Variants in NUP160 observed in about 807,000 individuals in gnomAD.
The protein encoded by NUP160 is nucleoporin 160.
A neutral mutation model predicts 196.9 loss-of-function variants in NUP160; 94 were observed. That is an observed-to-expected ratio of 0.48 (90% CI 0.40 to 0.57). The LOEUF (loss-of-function observed/expected upper bound fraction) is 0.57, where lower values mean the gene tolerates loss of function less well. Among genes scored for constraint, NUP160 ranks in the 20% least tolerant of loss-of-function variants. The pLI is 0.00. For missense variants in NUP160, 1,638 were observed against 1,748.3 expected (o/e 0.94, Z 1.13); for synonymous variants, 605 against 619.7 (o/e 0.98, Z 0.35).
chr11:47,785,748 A>G (rs2097664145), intron 32 of NUP160, among the ~76,000 whole-genome samples: 1 of 152,216 alleles, frequency 6.6e-6, no homozygotes, highest in Non-Finnish European at 1.5e-5. Flanking sequence ...AACTTAGAAG[A>G]CTAGGGTGAT....
chr11:47,786,475 C>T, exon 32 of NUP160: 1 of 1,613,680 alleles, frequency 6.2e-7, no homozygotes, highest in Non-Finnish European at 8.5e-7. Context: ...GTAGTGATGA[C>T]AGATGAGAGC....
intron 27 of NUP160, among the ~76,000 whole-genome samples, chr11:47,795,145 C>A (rs1356004794): frequency 6.6e-6 from 1 of 151,994 alleles, no homozygotes; most frequent in African/African-American, 2.4e-5. Flanking sequence ...TTTAGTTGCA[C>A]ATATTCAATA....
At chr11:47,817,295 T>C (rs1276502103) in intron 11 of NUP160, among the ~76,000 whole-genome samples, 1 of 151,942 alleles carries the variant, frequency 6.6e-6, no homozygotes, top group African/African-American at 2.4e-5. Context: ...AAGAATCCTT[T>C]TGTAAAGCAC....
intron 27 of NUP160, chr11:47,796,293 C>CA: frequency 1.4e-6 from 1 of 691,026 alleles, no homozygotes; most frequent in South Asian, 1.5e-5. Context: ...CAAATTTTAC[C>CA]AAAAATCAAA....
exon 16 of NUP160, chr11:47,812,367 A>G (rs369597099): frequency 2.5e-6 from 4 of 1,613,670 alleles, no homozygotes; most frequent in African/African-American, 1.3e-5. Context: ...AAGTAGTCCA[A>G]TTGCATGGAT....
At chr11:47,824,552 G>A (rs1362969094) in intron 7 of NUP160, among the ~76,000 whole-genome samples, 1 of 151,964 alleles carries the variant, frequency 6.6e-6, no homozygotes, top group Non-Finnish European at 1.5e-5. Context: ...GGAGCTTGCA[G>A]TGAGTCAAGA....
At chr11:47,805,447 C>CTTCTT (rs2097676945) in intron 20 of NUP160, among the ~76,000 whole-genome samples, 1 of 133,298 alleles carries the variant, frequency 7.5e-6, no homozygotes, top group African/African-American at 2.8e-5. Flanking sequence ...TGAATAATGT[C>CTTCTT]TTTTTTTTTT....
At chr11:47,822,063 T>C in intron 8 of NUP160, 24 bp downstream of exon 8, 1 of 1,458,430 alleles carries the variant, frequency 6.9e-7, no homozygotes, top group Non-Finnish European at 9.6e-7. Flanking sequence ...ACTTATGTGA[T>C]ATGCAAAGGA....
At chr11:47,798,288 T>A (rs750892935) in intron 24 of NUP160, 26 bp from the exon 25 acceptor site, 1 of 1,562,294 alleles carries the variant, frequency 6.4e-7, no homozygotes, top group East Asian at 2.2e-5. Flanking sequence ...AGATCAAATA[T>A]CAAAAAGAGC....
chr11:47,802,287 CG>C (rs922095868), intron 22 of NUP160, among the ~76,000 whole-genome samples: 2 of 152,010 alleles, frequency 1.3e-5, no homozygotes. Context: ...AAAAATTAGC[CG>C]GGCGTGGTGG....
At chr11:47,808,356 C>T in intron 18 of NUP160, 40 bp downstream of exon 18, 1 of 1,567,080 alleles carries the variant, frequency 6.4e-7, no homozygotes, top group Admixed American at 1.8e-5. Context: ...TAATTAAACT[C>T]ACAATTTACA....
At chr11:47,802,485 CATA>C (rs2097674772) in intron 22 of NUP160, among the ~76,000 whole-genome samples, 1 of 151,756 alleles carries the variant, frequency 6.6e-6, no homozygotes, top group Non-Finnish European at 1.5e-5. Context: ...CACATACATA[CATA>C]ATAAGGCAAC....
chr11:47,797,947 T>C (rs370700273), intron 26 of NUP160, 31 bp downstream of exon 26: 28 of 1,542,414 alleles, frequency 1.8e-5, no homozygotes, highest in Non-Finnish European at 2.5e-5. Context: ...ACCATACTTG[T>C]TGAAAGCCAT....
intron 27 of NUP160, among the ~76,000 whole-genome samples, chr11:47,794,111 T>C (rs150345363): frequency 2.6e-5 from 4 of 152,278 alleles, no homozygotes; most frequent in Non-Finnish European, 4.4e-5. Flanking sequence ...AATGGGTATA[T>C]AGCTTCAGTT....
chr11:47,801,941 A>C lies in NUP160; in HGVS notation c.2776-11T>G. The C allele has an allele frequency of 6.2e-7, 1 of 1,613,334 alleles. No homozygotes were observed. Among genetic ancestry groups the C allele is most frequent in the Non-Finnish European group, 8.5e-7 (1 of 1,179,472 alleles). On this transcript the variant is annotated splice_polypyrimidine_tract_variant and intron_variant, in intron 22 of 35. Transcript: ENST00000378460. ...AAAACATTCCAGAGCCTGGAGAAAT[A>C]AAATATAAAATGACTTGTAACAGAT...
Position 47,780,458 on chromosome 11 carries a change from A to G in NUP160, c.4117-11T>C. ...TGCGGACAGTGGAAACTAAAAGGAA[A>G]ATGTTTATTTGAAAACAGTCTGCAA... On this transcript the variant is annotated splice_polypyrimidine_tract_variant and intron_variant, in intron 34 of 35. Transcript: ENST00000378460. 3.8e-6 allele frequency: 6 copies of G among 1,580,406 alleles called. No homozygotes were observed. Among genetic ancestry groups the G allele is most frequent in the Non-Finnish European group, 5.2e-6 (6 of 1,149,496 alleles).
chr11:47,817,550 T>TGAAGGA (rs1851764205), intron 11 of NUP160, among the ~76,000 whole-genome samples: 3 of 151,920 alleles, frequency 2.0e-5, no homozygotes, highest in Non-Finnish European at 4.4e-5. Flanking sequence ...TTTCACCATG[T>TGAAGGA]TGGCCAGGAT....
chr11:47,834,733 A>G (rs1330188497), intron 7 of NUP160, among the ~76,000 whole-genome samples: 1 of 152,180 alleles, frequency 6.6e-6, no homozygotes, highest in African/African-American at 2.4e-5. Context: ...AAGGGCGTGC[A>G]TGCAGGGGTG....
At chr11:47,815,496 C>G in exon 13 of NUP160, 1 of 1,603,214 alleles carries the variant, frequency 6.2e-7, no homozygotes, top group Non-Finnish European at 8.5e-7. Flanking sequence ...AGCAGGCACA[C>G]CATGTTTGTG....
Sources: allele counts gnomAD v4.1 joint callset (sites outside exome capture counted in the v4.1 genomes callset), GRCh38; gene constraint gnomAD v4.1.1; transcripts MANE v1.5; gene names NCBI Gene and HGNC (gene_info 2026-07-23, HGNC 2026-07-21).